RASAL2: variants seen among roughly 807,000 people sequenced by gnomAD.
RASAL2 encodes the protein ras GTPase-activating protein nGAP.
In RASAL2, 58 loss-of-function variants were observed where a neutral mutation model predicts 128.9. The ratio of observed to expected loss-of-function variants is 0.45; its 90% CI spans 0.36 to 0.56. The LOEUF (loss-of-function observed/expected upper bound fraction) is 0.56. Among genes scored for constraint, RASAL2 ranks in the 20% least tolerant of loss-of-function variants. The pLI, the probability that RASAL2 is intolerant of heterozygous loss-of-function variation, is 0.00. For synonymous variants in RASAL2, 561 were observed against 580.8 expected, an observed-to-expected ratio of 0.97 and a Z score of 0.49; for missense variants, 1,360 against 1,601.6, an observed-to-expected ratio of 0.85 and a Z score of 2.57.
At chr1:178,373,207 T>G (rs1270140841) in intron 3 of RASAL2, among the ~76,000 whole-genome samples, 2 of 150,050 alleles carry the variant, frequency 1.3e-5, no homozygotes, top group African/African-American at 4.9e-5. Context: ...TATTTGAAAA[T>G]CTTTCTTATA....
chr1:178,434,264 A>G (rs1216383453), intron 5 of RASAL2, among the ~76,000 whole-genome samples: 1 of 152,124 alleles, frequency 6.6e-6, no homozygotes, highest in Admixed American at 6.6e-5. Flanking sequence ...CCTAGTGTCT[A>G]TCATATTGGA....
intron 1 of RASAL2, among the ~76,000 whole-genome samples, chr1:178,130,978 C>T (rs755539539): frequency 7.9e-5 from 12 of 151,156 alleles, no homozygotes; most frequent in Non-Finnish European, 1.6e-4. Context: ...GGCGTGAACC[C>T]GGGAGGCGGA....
chr1:178,138,617 T>C (rs1227612370), intron 1 of RASAL2, among the ~76,000 whole-genome samples: 1 of 152,174 alleles, frequency 6.6e-6, no homozygotes, highest in African/African-American at 2.4e-5. Context: ...GATTCTGAGC[T>C]GCATACATTT....
At chr1:178,383,973 C>T (rs1672416832) in intron 3 of RASAL2, among the ~76,000 whole-genome samples, 1 of 152,160 alleles carries the variant, frequency 6.6e-6, no homozygotes, top group Admixed American at 6.5e-5. Context: ...AATGTTTTAT[C>T]ATGTTTTGTT....
intron 12 of RASAL2, among the ~76,000 whole-genome samples, chr1:178,455,558 T>A (rs1005497689): frequency 6.6e-6 from 1 of 152,252 alleles, no homozygotes; most frequent in African/African-American, 2.4e-5. Context: ...CCTCCAGTGC[T>A]TAAAATATTT....
chr1:178,186,935 C>T (rs558963895), intron 1 of RASAL2, among the ~76,000 whole-genome samples: 5 of 151,916 alleles, frequency 3.3e-5, no homozygotes, highest in East Asian at 1.9e-4. Context: ...GTGATCCTCC[C>T]GCCTCAACTT....
chr1:178,233,898 A>C (rs767324929), intron 1 of RASAL2, among the ~76,000 whole-genome samples: 3 of 152,212 alleles, frequency 2.0e-5, no homozygotes, highest in Non-Finnish European at 2.9e-5. Context: ...GCAATGAATA[A>C]GGGGAAAAAA....
chr1:178,311,253 A>ACACACACACAC (rs1668232217), intron 3 of RASAL2, among the ~76,000 whole-genome samples: 1 of 143,708 alleles, frequency 7.0e-6, no homozygotes. Flanking sequence ...CACACACACA[A>ACACACACACAC]ACACACACAC....
intron 4 of RASAL2, among the ~76,000 whole-genome samples, chr1:178,400,141 G>C (rs1245580057): frequency 2.6e-5 from 4 of 152,146 alleles, no homozygotes; most frequent in African/African-American, 9.7e-5. Flanking sequence ...TGTGTTACAG[G>C]ATGATAAAAC....
chr1:178,302,369 C>T (rs1412711555), intron 3 of RASAL2, among the ~76,000 whole-genome samples: 2 of 151,596 alleles, frequency 1.3e-5, no homozygotes, highest in African/African-American at 4.8e-5. Context: ...TAGCAATAAA[C>T]AGGAAACAAA....
Position 178,443,187 on chromosome 1 carries a change from T to A in RASAL2, c.1440T>A (p.Ala480=). The part of the protein sequence containing the change: ...VISVRNKEEL[A]CALVHILQST... The stretch of plus-strand genomic sequence containing the variant: ...GTGTGAGAAATAAAGAGGAGTTGGC[T>A]TGTGCCTTAGTGCACATTCTTCAAA... Residue 480 remains alanine, a synonymous_variant, in exon 8 of 18, where the codon GCT becomes GCA. Coordinates refer to ENST00000367649, the MANE Select transcript of RASAL2 (RefSeq NM_170692.4). 1.9e-6 allele frequency: 3 copies of A among 1,613,508 alleles called. No individual in the cohort carries two copies. Among genetic ancestry groups the A allele is most frequent in the Non-Finnish European group, 2.5e-6 (3 of 1,179,554 alleles).
chr1:178,395,969 A>G (rs1673198889), intron 4 of RASAL2, among the ~76,000 whole-genome samples: 1 of 151,870 alleles, frequency 6.6e-6, no homozygotes, highest in Non-Finnish European at 1.5e-5. Flanking sequence ...TAATTTTAAA[A>G]TCTTCTAATG....
At chr1:178,307,525 G>A (rs1366306928) in intron 3 of RASAL2, among the ~76,000 whole-genome samples, 1 of 152,174 alleles carries the variant, frequency 6.6e-6, no homozygotes, top group Non-Finnish European at 1.5e-5. Flanking sequence ...AGGCATATTA[G>A]TTGGCCGTGT....
At chr1:178,185,117 T>G (rs543125066) in intron 1 of RASAL2, among the ~76,000 whole-genome samples, 2 of 152,030 alleles carry the variant, frequency 1.3e-5, no homozygotes, top group South Asian at 2.1e-4. Flanking sequence ...TTTTGTTTTT[T>G]TTTTTTTAAT....
At chr1:178,153,254 T>A (rs753862492) in intron 1 of RASAL2, among the ~76,000 whole-genome samples, 3 of 152,148 alleles carry the variant, frequency 2.0e-5, no homozygotes, top group Non-Finnish European at 1.5e-5. Context: ...TATAGTTAGA[T>A]CCACAAGCTT....
chr1:178,291,483 G>A (rs1410440128), intron 2 of RASAL2, among the ~76,000 whole-genome samples: 6 of 152,186 alleles, frequency 3.9e-5, no homozygotes, highest in Non-Finnish European at 1.5e-5. Flanking sequence ...GAGGAATAAT[G>A]AAGGGATAAA....
chr1:178,223,052 T>A (rs1663665190), intron 1 of RASAL2, among the ~76,000 whole-genome samples: 1 of 152,194 alleles, frequency 6.6e-6, no homozygotes, highest in Admixed American at 6.5e-5. Flanking sequence ...AATGTTAAAC[T>A]CAAATAGGTG....
At chr1:178,180,663 T>TCTCACACACACACACACACA (rs1553256843) in intron 1 of RASAL2, among the ~76,000 whole-genome samples, 16 of 139,212 alleles carry the variant, frequency 1.1e-4, no homozygotes, top group Admixed American at 4.4e-4. Flanking sequence ...CGAGACTGTC[T>TCTCACACACACACACACACA]CACACACACA....
At chr1:178,257,249 G>A (rs111662399) in intron 1 of RASAL2, among the ~76,000 whole-genome samples, 2,048 of 152,226 alleles carry the variant, frequency 0.013, 48 homozygotes, top group African/African-American at 0.046. Context: ...AATCCCAGCT[G>A]ACTTTTTTGT....
Sources: allele counts gnomAD v4.1 joint callset (sites outside exome capture counted in the v4.1 genomes callset), GRCh38; gene constraint gnomAD v4.1.1; transcripts MANE v1.5; gene names NCBI Gene and HGNC (gene_info 2026-07-23, HGNC 2026-07-21).